The following ASPG variants were observed in gnomAD, a reference collection of about 807,000 sequenced individuals.
ASPG encodes 60 kDa lysophospholipase.
ASPG carries 53 observed loss-of-function variants against 63.2 expected under a neutral mutation model. That is an observed-to-expected ratio of 0.84 (90% CI 0.67 to 1.05). The LOEUF (loss-of-function observed/expected upper bound fraction) is 1.05. ASPG is among the 50% of genes least tolerant of loss of function. ASPG has a pLI of 0.00. For synonymous variants in ASPG, 370 were observed against 355.0 expected, an observed-to-expected ratio of 1.04 and a Z score of -0.48; for missense variants, 741 against 794.4, an observed-to-expected ratio of 0.93 and a Z score of 0.81.
chr14:104,108,510 T>G, intron 12 of ASPG: 1 of 985,384 alleles, frequency 1.0e-6, no homozygotes. Flanking sequence ...GGGAGGCCAC[T>G]GCCTCATACC....
chr14:104,108,489 A>AGGGG (rs1162000049), intron 12 of ASPG: 2 of 985,164 alleles, frequency 2.0e-6, no homozygotes, highest in African/African-American at 3.5e-5. Context: ...GCTGTGCCTG[A>AGGGG]GTGGGGTATG....
chr14:104,111,957 T>C lies in ASPG; in HGVS notation c.1658T>C (p.Leu553Pro). The C allele has an allele frequency of 6.4e-7, 1 of 1,558,314 alleles. No homozygotes were observed. Among genetic ancestry groups the C allele is most frequent in the Non-Finnish European group, 8.7e-7 (1 of 1,150,844 alleles). ...AAGNLAVVAF[L>P]QSLEGAVGAQ... ...GGGAACCTGGCAGTGGTGGCCTTTCTACAGAGCCTGGAGGGTGCGGTTGGT... is the reference window on the plus strand; with the variant it reads ...GGGAACCTGGCAGTGGTGGCCTTTCCACAGAGCCTGGAGGGTGCGGTTGGT... Residue 553 changes from leucine (L) to proline (P), a missense_variant, in exon 15 of 16, where the codon CTA (leucine) becomes CCA (proline). Leu to Pro is a moderately conservative substitution (Grantham distance 98, BLOSUM62 -3). Coordinates refer to ENST00000551177, the MANE Select transcript of ASPG (RefSeq NM_001080464.3).
intron 15 of ASPG, 35 bp from the exon 16 acceptor site, chr14:104,112,489 C>A: frequency 8.5e-7 from 1 of 1,179,078 alleles, no homozygotes; most frequent in Non-Finnish European, 1.3e-6. Context: ...CGCACTCTAC[C>A]TGGGTGTCCT....
chr14:104,093,810 AGTGGGTGAGGCTGTGGAGT>A (rs2036471977), intron 3 of ASPG, among the ~76,000 whole-genome samples: 1 of 14,682 alleles, frequency 6.8e-5, no homozygotes, highest in Admixed American at 9.4e-4. Context: ...GGCTGTGGAG[AGTGGGTGAGGCTGTGGAGT>A]GTGGGTGGGG....
intron 1 of ASPG, among the ~76,000 whole-genome samples, chr14:104,088,701 C>T (rs1018719912): frequency 6.6e-6 from 1 of 152,160 alleles, no homozygotes; most frequent in African/African-American, 2.4e-5. Context: ...CGTCTGTGCC[C>T]TTGGCCTGGA....
At chr14:104,101,239 C>T (rs1744294) in intron 6 of ASPG, among the ~76,000 whole-genome samples, 130,930 of 152,188 alleles carry the variant, frequency 0.86, 56,622 homozygotes, top group South Asian at 0.91. Context: ...TTGCCCAGGG[C>T]GTGGCTGCTG....
intron 9 of ASPG, 142 bp downstream of exon 9, chr14:104,104,877 C>A: frequency 1.4e-6 from 1 of 713,922 alleles, no homozygotes; most frequent in Non-Finnish European, 2.3e-6. Context: ...AGGGATGTGG[C>A]TCCCTATAGT....
At chr14:104,099,447 G>T (rs758792829) in intron 6 of ASPG, among the ~76,000 whole-genome samples, 1 of 152,196 alleles carries the variant, frequency 6.6e-6, no homozygotes, top group Non-Finnish European at 1.5e-5. Context: ...CCCCTGGGGG[G>T]GCCAAGCCCG....
intron 2 of ASPG, 23 bp downstream of exon 2, chr14:104,092,764 C>G: frequency 1.3e-6 from 2 of 1,526,264 alleles, no homozygotes; most frequent in African/African-American, 2.7e-5. Flanking sequence ...TCCTCCCAGT[C>G]CCGGACAGGG....
intron 10 of ASPG, 73 bp from the exon 11 acceptor site, chr14:104,106,726 G>A: frequency 7.4e-7 from 1 of 1,356,132 alleles, no homozygotes. Flanking sequence ...GGGTCATACA[G>A]CACCGGGGAC....
At position 104,098,946 on chromosome 14, in the gene ASPG, C is replaced by A. The variant is rs775400421; in HGVS notation, c.607C>A (p.Leu203Met). 5 of 1,601,502 alleles carry A rather than the reference C, an allele frequency of 3.1e-6. No homozygotes were observed. In the East Asian group the frequency reaches 1.1e-4, roughly 36 times the overall value. Residue 203 changes from leucine to methionine, a missense_variant, in exon 6 of 16, where the codon CTG becomes ATG. By Grantham distance (15) the Leu-to-Met change is conservative. Transcript: ENST00000551177. ...RFAAFCSPNLLPLATVGADIT... is the reference protein window; with the variant it reads ...RFAAFCSPNLMPLATVGADIT... Reference sequence around the variant, plus strand: ...CGCAGCTTTCTGCTCCCCGAACCTGCTGCCTCTGGCCACAGTGGGTGCTGA... The same window carrying A: ...CGCAGCTTTCTGCTCCCCGAACCTGATGCCTCTGGCCACAGTGGGTGCTGA...
At chr14:104,102,509 G>A (rs894971918) in intron 6 of ASPG, among the ~76,000 whole-genome samples, 1 of 152,120 alleles carries the variant, frequency 6.6e-6, no homozygotes, top group Non-Finnish European at 1.5e-5. Context: ...CCTGGGCCTC[G>A]GTTTTCCTGG....
At chr14:104,104,799 G>A (rs2141034831) in intron 9 of ASPG, 64 bp downstream of exon 9, 2 of 1,365,228 alleles carry the variant, frequency 1.5e-6, no homozygotes, top group Non-Finnish European at 1.0e-6. Flanking sequence ...TGGCTCCCAG[G>A]GGCATGTCTG....
chr14:104,102,751 C>T (rs994871336), intron 6 of ASPG, among the ~76,000 whole-genome samples: 1 of 152,160 alleles, frequency 6.6e-6, no homozygotes, highest in African/African-American at 2.4e-5. Flanking sequence ...TCGGCAGAAC[C>T]CTGGGGGCTC....
intron 3 of ASPG, among the ~76,000 whole-genome samples, chr14:104,094,973 G>C (rs975712699): frequency 3.3e-5 from 5 of 152,144 alleles, no homozygotes; most frequent in African/African-American, 1.2e-4. Context: ...CCGCAGCCTG[G>C]GCCAGCCACC....
At chr14:104,102,701 G>C (rs1291494540) in intron 6 of ASPG, among the ~76,000 whole-genome samples, 1 of 152,168 alleles carries the variant, frequency 6.6e-6, no homozygotes, top group East Asian at 1.9e-4. Flanking sequence ...CCGGGCCTGT[G>C]GCATCAGCCT....
intron 12 of ASPG, chr14:104,108,453 C>G: frequency 1.0e-6 from 1 of 985,444 alleles, no homozygotes; most frequent in Non-Finnish European, 1.2e-6. Context: ...CGCTGCCAGG[C>G]TCCCTGAGGC....
intron 11 of ASPG, 75 bp downstream of exon 11, chr14:104,106,969 G>A (rs1596105346): frequency 2.8e-6 from 4 of 1,441,648 alleles, no homozygotes; most frequent in South Asian, 2.5e-5. Context: ...TAGGCAGGAC[G>A]GCCTTTCATC....
chr14:104,091,440 C>T lies in ASPG; in HGVS notation c.83-1193C>T, dbSNP rs554309232. Among the ~76,000 whole-genome samples, 1 of 152,264 alleles carries T rather than the reference C, an allele frequency of 6.6e-6. No homozygotes were observed. The highest frequency in any genetic ancestry group is 2.4e-5 in the African/African-American group (1 of 41,550). On this transcript the variant is annotated intron_variant, in intron 1 of 15. Coordinates refer to ENST00000551177, the MANE Select transcript of ASPG (RefSeq NM_001080464.3). This position sits in a 1 kb window ranked among gnomAD's most constrained non-coding sequence, Gnocchi z 6.4. ...AGCCCTACTGGCGGGGTGATTTTGT[C>T]AGCGGCTGCACCTCAGCCGGCCTGC...
Sources: gnomAD v4.1 joint callset for allele counts (sites outside exome capture counted in the v4.1 genomes callset) on GRCh38, gnomAD v4.1.1 for gene constraint, Gnocchi (gnomAD v3.1) non-coding constraint, MANE v1.5 for transcripts, NCBI Gene and HGNC (gene_info 2026-07-23, HGNC 2026-07-21) for gene names.